Variants in MAP2K4 observed in about 807,000 individuals in gnomAD.
MAP2K4 encodes mitogen-activated protein kinase kinase 4, also known as dual specificity mitogen-activated protein kinase kinase 4.
A neutral mutation model predicts 48.5 loss-of-function variants in MAP2K4; 4 were observed. The observed-to-expected ratio is 0.08, with a 90% CI of 0.04 to 0.19. The LOEUF is 0.19. Ranked by LOEUF, MAP2K4 falls within the 10% of genes least tolerant of loss-of-function variation. The pLI, the probability that MAP2K4 is intolerant of heterozygous loss-of-function variation, is 1.00. For synonymous variants in MAP2K4, 166 were observed against 173.1 expected, an observed-to-expected ratio of 0.96 and a Z score of 0.32; for missense variants, 258 against 493.3, an observed-to-expected ratio of 0.52 and a Z score of 4.52.
rs187571248 is a variant in MAP2K4, at chr17:12,094,172, G to A, written c.394-1403G>A. 6.9e-3 allele frequency among the ~76,000 whole-genome samples: 1,055 copies of A among 152,230 alleles called. 4 individuals are homozygous for A. Among genetic ancestry groups the A allele is most frequent in the Admixed American group, 0.011 (173 of 15,282 alleles). On this transcript the variant is annotated intron_variant, in intron 3 of 10. Coordinates refer to ENST00000353533, the MANE Select transcript of MAP2K4 (RefSeq NM_003010.4). The stretch of plus-strand genomic sequence containing the variant: ...AGCATTGATATTTAATATAAAAGTT[G>A]TAGGTAAATCTGTGTCTGTAACATA...
intron 1 of MAP2K4, among the ~76,000 whole-genome samples, chr17:12,039,750 T>C (rs1338589448): frequency 6.6e-6 from 1 of 152,238 alleles, no homozygotes; most frequent in Non-Finnish European, 1.5e-5. Flanking sequence ...GCAAGGTATG[T>C]GCACACATTG....
At chr17:12,077,445 A>G (rs1209523223) in intron 2 of MAP2K4, among the ~76,000 whole-genome samples, 1 of 152,220 alleles carries the variant, frequency 6.6e-6, no homozygotes, top group Admixed American at 6.5e-5. Context: ...AGTGGCTTAA[A>G]CCAGATAGTT....
chr17:12,064,614 T>C (rs1179755126), intron 2 of MAP2K4, among the ~76,000 whole-genome samples: 1 of 152,184 alleles, frequency 6.6e-6, no homozygotes, highest in Non-Finnish European at 1.5e-5. Context: ...TCCTATATTG[T>C]TGAGGAAGCA....
intron 7 of MAP2K4, chr17:12,124,199 T>A (rs920792599): frequency 1.3e-5 from 2 of 152,224 alleles, no homozygotes; most frequent in Non-Finnish European, 2.9e-5. Context: ...AGTCAACTAT[T>A]ATGCTTCTCT....
At position 12,142,901 on chromosome 17, in the gene MAP2K4, T is replaced by C; in HGVS notation, c.*1641T>C. ...CAGTCATGGCCTGAGATGCAGGTGA[T>C]GCCATTACAGAACCAAATCGTGGCA... On this transcript the variant is annotated 3_prime_UTR_variant, in exon 11 of 11. Transcript: ENST00000353533. 1 of 232,816 alleles carries C rather than the reference T, an allele frequency of 4.3e-6. No individual in the cohort carries two copies. The allele number at this position is 232,816 out of a possible 1,614,324, so 14.4% of individuals were successfully genotyped here. A position where few individuals can be genotyped will look rare whatever the true frequency, so the allele number is the denominator to read the frequency against.
chr17:12,049,864 G>T (rs973029671), intron 1 of MAP2K4, among the ~76,000 whole-genome samples: 4 of 152,138 alleles, frequency 2.6e-5, no homozygotes, highest in African/African-American at 9.7e-5. Context: ...TTCCTTGGTG[G>T]TTATTTTTGT....
intron 4 of MAP2K4, among the ~76,000 whole-genome samples, chr17:12,100,013 C>A (rs937240284): frequency 6.6e-6 from 1 of 152,052 alleles, no homozygotes; most frequent in Non-Finnish European, 1.5e-5. Flanking sequence ...TACTTCCACC[C>A]CTCTTCTCCT....
intron 9 of MAP2K4, 126 bp from the exon 10 acceptor site, chr17:12,139,713 C>A (rs567281610): frequency 3.2e-6 from 2 of 617,554 alleles, no homozygotes; most frequent in Non-Finnish European, 5.6e-6. Flanking sequence ...AGCAGGCTGT[C>A]TGCGTTGTTA....
intron 1 of MAP2K4, among the ~76,000 whole-genome samples, chr17:12,039,087 T>C (rs1394355247): frequency 6.6e-6 from 1 of 152,166 alleles, no homozygotes; most frequent in African/African-American, 2.4e-5. Flanking sequence ...ACAGGGGATC[T>C]ACCACTAGGG....
In MAP2K4 at chr17:12,043,509, A is replaced by G. The variant is rs1003084933; in HGVS notation, c.116-11380A>G. ...TAGTCACAAATGGGGTGTTTAGGATACTCATACTCCTGCTTGGATGACTTC... is the reference window on the plus strand; with the variant it reads ...TAGTCACAAATGGGGTGTTTAGGATGCTCATACTCCTGCTTGGATGACTTC... On this transcript the variant is annotated intron_variant, in intron 1 of 10. Transcript: ENST00000353533. 2.0e-5 allele frequency among the ~76,000 whole-genome samples: 3 copies of G among 152,048 alleles called. No individual in the cohort carries two copies. The East Asian group carries it at 5.8e-4, about 29-fold the overall frequency.
chr17:12,107,690 G>A lies in MAP2K4; in HGVS notation c.514-100G>A, dbSNP rs28923214. On this transcript the variant is annotated intron_variant, in intron 4 of 10. Transcript: ENST00000353533. ...ATTACTAGTTTGACATTTGAAATAA[G>A]CAAGAATAAGATTGCTCCTTTCTAT... 3.6e-5 allele frequency: 37 copies of A among 1,016,474 alleles called. No individual in the cohort carries two copies. The African/African-American group carries it at 3.7e-4, about 10-fold the overall frequency. The allele number at this position is 1,016,474 out of a possible 1,614,324, so 63.0% of individuals were successfully genotyped here.
chr17:12,065,381 C>T (rs890130265), intron 2 of MAP2K4, among the ~76,000 whole-genome samples: 1 of 150,904 alleles, frequency 6.6e-6, no homozygotes, highest in Non-Finnish European at 1.5e-5. Flanking sequence ...TCACTGCAAC[C>T]TCCGCCTACT....
chr17:12,076,925 T>A (rs908234951), intron 2 of MAP2K4, among the ~76,000 whole-genome samples: 1 of 152,154 alleles, frequency 6.6e-6, no homozygotes, highest in African/African-American at 2.4e-5. Context: ...TTCATGTGTT[T>A]TTTGCAGGGT....
intron 3 of MAP2K4, among the ~76,000 whole-genome samples, chr17:12,088,292 T>G (rs1388331413): frequency 6.6e-6 from 1 of 151,480 alleles, no homozygotes; most frequent in Non-Finnish European, 1.5e-5. Context: ...TTAAGAGGGA[T>G]CTTTAGCAGG....
intron 9 of MAP2K4, 122 bp from the exon 10 acceptor site, chr17:12,139,717 G>T (rs921453159): frequency 1.6e-6 from 1 of 639,760 alleles, no homozygotes; most frequent in Non-Finnish European, 2.7e-6. Context: ...GGCTGTCTGC[G>T]TTGTTACTTT....
At chr17:12,100,244 T>G (rs1200798472) in intron 4 of MAP2K4, among the ~76,000 whole-genome samples, 2 of 152,244 alleles carry the variant, frequency 1.3e-5, no homozygotes, top group African/African-American at 2.4e-5. Flanking sequence ...GTCCCCATTC[T>G]CAGATAACCA....
intron 1 of MAP2K4, among the ~76,000 whole-genome samples, chr17:12,050,226 G>A (rs1597413062): frequency 1.3e-5 from 2 of 152,152 alleles, no homozygotes; most frequent in African/African-American, 4.8e-5. Flanking sequence ...GGGGCAGGGG[G>A]CAGTGAAATG....
At position 12,021,000 on chromosome 17, in the gene MAP2K4, G is replaced by A; in HGVS notation, c.114G>A (p.Gln38=). 1.7e-6 allele frequency: 2 copies of A among 1,209,706 alleles called. No homozygotes were observed. The highest frequency in any genetic ancestry group is 2.1e-6 in the Non-Finnish European group (2 of 973,258). The allele number at this position is 1,209,706 out of a possible 1,614,324, so 74.9% of individuals were successfully genotyped here. A position where few individuals can be genotyped will look rare whatever the true frequency, so the allele number is the denominator to read the frequency against. ...GCCACCCGGCCGTCAGCAGCATGCA[G>A]GGTAAGGAACGCGGCCGCGCCGAGA... ...APGHPAVSSM[Q]GKRKALKLNF... The change falls in exon 1 of 11, where the codon CAG becomes CAA. Residue 38 remains glutamine (Q), a splice_region_variant and synonymous_variant. Transcript: ENST00000353533.
At chr17:12,108,017 A>G in intron 5 of MAP2K4, 108 bp downstream of exon 5, 1 of 1,015,366 alleles carries the variant, frequency 9.8e-7, no homozygotes, top group East Asian at 2.8e-5. Flanking sequence ...CTTCCTGAAA[A>G]TAATTCATAG....
Sources: allele counts gnomAD v4.1 joint callset (sites outside exome capture counted in the v4.1 genomes callset), GRCh38; gene constraint gnomAD v4.1.1; transcripts MANE v1.5; gene names NCBI Gene and HGNC (gene_info 2026-07-23, HGNC 2026-07-21).